DDAH1: variants seen among roughly 807,000 people sequenced by gnomAD.
DDAH1 encodes the protein dimethylarginine dimethylaminohydrolase 1.
A neutral mutation model predicts 28.8 loss-of-function variants in DDAH1; 19 were observed. The ratio of observed to expected loss-of-function variants is 0.66; its 90% CI spans 0.46 to 0.97. The LOEUF (loss-of-function observed/expected upper bound fraction) is 0.97. Ranked by LOEUF, DDAH1 falls within the 50% of genes least tolerant of loss-of-function variation. DDAH1 has a pLI of 0.00. For synonymous variants in DDAH1, 153 were observed against 154.4 expected (o/e 0.99, Z 0.07); for missense variants, 326 against 375.9 (o/e 0.87, Z 1.10).
intron 1 of DDAH1, among the ~76,000 whole-genome samples, chr1:85,456,716 A>C (rs568014605): frequency 6.6e-6 from 1 of 152,230 alleles, no homozygotes; most frequent in Admixed American, 6.5e-5. Context: ...TAATTCCATT[A>C]TAAGTTGAGG....
At chr1:85,577,472 A>G (rs1400311737) in intron 1 of DDAH1, among the ~76,000 whole-genome samples, 2 of 152,174 alleles carry the variant, frequency 1.3e-5, no homozygotes, top group African/African-American at 4.8e-5. Flanking sequence ...CCGAGGATCT[A>G]TGAAGACACA....
chr1:85,574,771 C>T (rs150310934), intron 1 of DDAH1, among the ~76,000 whole-genome samples: 5 of 152,258 alleles, frequency 3.3e-5, no homozygotes, highest in Middle Eastern at 3.4e-3. Context: ...TTAGTCCAGG[C>T]GCTATGGCTC....
At position 85,429,918 on chromosome 1, in the gene DDAH1, T is replaced by A. The variant is rs1446781957; in HGVS notation, c.303+34825A>T. 1.1e-3 allele frequency among the ~76,000 whole-genome samples: 161 copies of A among 152,318 alleles called. 6 individuals are homozygous for A. Among genetic ancestry groups the A allele is most frequent in the Non-Finnish European group, 3.2e-4 (22 of 68,028 alleles). ...TTCTGGATATTAGCCCTTTGTCAGATGGATAGACTGCAAAAATTTTCTCCC... is the reference window on the plus strand; with the variant it reads ...TTCTGGATATTAGCCCTTTGTCAGAAGGATAGACTGCAAAAATTTTCTCCC... On this transcript the variant is annotated intron_variant, in intron 1 of 5. Coordinates refer to ENST00000284031, the MANE Select transcript of DDAH1 (RefSeq NM_012137.4).
intron 1 of DDAH1, among the ~76,000 whole-genome samples, chr1:85,463,042 G>A (rs747485349): frequency 6.6e-6 from 1 of 152,196 alleles, no homozygotes; most frequent in Non-Finnish European, 1.5e-5. Flanking sequence ...GTATAGATGC[G>A]AAAACTGAGG....
At chr1:85,354,898 C>A (rs778449456) in intron 2 of DDAH1, among the ~76,000 whole-genome samples, 1 of 151,364 alleles carries the variant, frequency 6.6e-6, no homozygotes, top group African/African-American at 2.4e-5. Flanking sequence ...AAAAAGAGAA[C>A]AGAGTAAAAA....
chr1:85,339,936 A>G (rs1648367791), intron 4 of DDAH1, among the ~76,000 whole-genome samples: 1 of 152,186 alleles, frequency 6.6e-6, no homozygotes, highest in African/African-American at 2.4e-5. Context: ...TCATGCTGTG[A>G]TGTACGATCT....
chr1:85,324,952 G>A, intron 4 of DDAH1, 69 bp from the exon 5 acceptor site: 1 of 1,570,994 alleles, frequency 6.4e-7, no homozygotes, highest in Non-Finnish European at 8.7e-7. Flanking sequence ...GGAAGGCAGT[G>A]TGGTAGGATA....
chr1:85,524,103 G>GA lies in DDAH1; in HGVS notation c.-122-27823dup, dbSNP rs1262517735. Among the ~76,000 whole-genome samples the GA allele has an allele frequency of 3.3e-4, 49 of 149,024 alleles. 1 individual carries two copies. The highest frequency in any genetic ancestry group is 3.4e-3 in the Middle Eastern group (1 of 292). ...TTTTTCCCCAGCAAGTCACTGCTGG[G>GA]AAAAAAAAACGATGCATCAGACCCT... On this transcript the variant is annotated intron_variant, in intron 1 of 6. Transcript: ENST00000426972.
At chr1:85,362,726 C>A (rs1438499054) in intron 1 of DDAH1, among the ~76,000 whole-genome samples, 1 of 152,152 alleles carries the variant, frequency 6.6e-6, no homozygotes, top group African/African-American at 2.4e-5. Context: ...TAAGATAATA[C>A]ATGTAAAACA....
At chr1:85,573,748 T>C (rs561031060) in intron 1 of DDAH1, among the ~76,000 whole-genome samples, 128 of 152,286 alleles carry the variant, frequency 8.4e-4, no homozygotes, top group African/African-American at 3.0e-3. Context: ...AGTAGAAAAT[T>C]TGTAAAAAGC....
At chr1:85,532,024 A>G (rs2100774789) in intron 1 of DDAH1, among the ~76,000 whole-genome samples, 1 of 152,076 alleles carries the variant, frequency 6.6e-6, no homozygotes, top group South Asian at 2.1e-4. Context: ...CATGCCTATT[A>G]CCACAGCTAA....
chr1:85,358,702 A>G lies in DDAH1; in HGVS notation c.403+46T>C, dbSNP rs772463799. On this transcript the variant is annotated intron_variant, in intron 2 of 5. Coordinates refer to ENST00000284031, the MANE Select transcript of DDAH1 (RefSeq NM_012137.4). ...ATAATAAAACAAGTAAATACAAGCCAAGTATTAAAAATATTCTTGGATAGA... is the reference window on the plus strand; with the variant it reads ...ATAATAAAACAAGTAAATACAAGCCGAGTATTAAAAATATTCTTGGATAGA... The G allele has an allele frequency of 2.3e-6, 3 of 1,305,286 alleles. No homozygotes were observed. In the South Asian group the frequency reaches 3.9e-5, roughly 17 times the overall value. The allele number at this position is 1,305,286 out of a possible 1,614,324, so 80.9% of individuals were successfully genotyped here.
intron 1 of DDAH1, among the ~76,000 whole-genome samples, chr1:85,432,170 T>G (rs968584563): frequency 1.3e-5 from 2 of 152,192 alleles, no homozygotes; most frequent in Non-Finnish European, 2.9e-5. Flanking sequence ...ACCTCCTGTT[T>G]GGCAGTCCTA....
At chr1:85,552,252 G>T (rs1258629872) in intron 1 of DDAH1, among the ~76,000 whole-genome samples, 1 of 152,092 alleles carries the variant, frequency 6.6e-6, no homozygotes, top group Non-Finnish European at 1.5e-5. Flanking sequence ...ACATACTCTG[G>T]TCATCTTTTT....
At chr1:85,514,806 C>T (rs1657410642) in intron 1 of DDAH1, among the ~76,000 whole-genome samples, 1 of 152,158 alleles carries the variant, frequency 6.6e-6, no homozygotes, top group South Asian at 2.1e-4. Flanking sequence ...AATCGCTGAG[C>T]ACTTCCTTGG....
intron 1 of DDAH1, among the ~76,000 whole-genome samples, chr1:85,513,189 T>G (rs1367840271): frequency 5.9e-5 from 9 of 152,060 alleles, no homozygotes; most frequent in Admixed American, 3.3e-4. Flanking sequence ...GCCTCAGAAA[T>G]AACACCACAC....
intron 1 of DDAH1, among the ~76,000 whole-genome samples, chr1:85,502,764 G>A (rs1344265417): frequency 6.6e-6 from 1 of 152,204 alleles, no homozygotes; most frequent in Non-Finnish European, 1.5e-5. Flanking sequence ...CTGCATTAAA[G>A]AGTCCTCTTT....
intron 1 of DDAH1, among the ~76,000 whole-genome samples, chr1:85,372,072 T>C (rs567693032): frequency 5.3e-5 from 8 of 152,170 alleles, no homozygotes; most frequent in Admixed American, 2.0e-4. Flanking sequence ...TTAGAGATGG[T>C]TGTGAAAGGC....
intron 1 of DDAH1, among the ~76,000 whole-genome samples, chr1:85,509,693 C>T (rs964530487): frequency 6.6e-6 from 1 of 152,140 alleles, no homozygotes. Context: ...GTGACATATG[C>T]ACAACCTTCA....
Sources: gnomAD v4.1 joint callset for allele counts (sites outside exome capture counted in the v4.1 genomes callset) on GRCh38, gnomAD v4.1.1 for gene constraint, MANE v1.5 for transcripts, NCBI Gene and HGNC (gene_info 2026-07-23, HGNC 2026-07-21) for gene names.